Variants in ARHGAP15 observed in about 807,000 individuals in gnomAD.
ARHGAP15 encodes Rho GTPase activating protein 15, also known as rho GTPase-activating protein 15.
A neutral mutation model predicts 63.7 loss-of-function variants in ARHGAP15; 51 were observed. That is an observed-to-expected ratio of 0.80 (90% CI 0.64 to 1.01). ARHGAP15 has a LOEUF of 1.01. ARHGAP15 is among the 50% of genes least tolerant of loss of function. ARHGAP15 has a pLI of 0.00. For synonymous variants in ARHGAP15, 191 were observed against 193.8 expected (o/e 0.99, Z 0.12); for missense variants, 560 against 564.6 (o/e 0.99, Z 0.08).
chr2:143,538,076 C>A, intron 10 of ARHGAP15, among the ~76,000 whole-genome samples: 1 of 152,118 alleles, frequency 6.6e-6, no homozygotes, highest in East Asian at 1.9e-4. Flanking sequence ...TTGTAGTTCT[C>A]CTTGAAGAGG....
At chr2:143,466,473 T>A (rs937482636) in intron 8 of ARHGAP15, among the ~76,000 whole-genome samples, 1 of 152,062 alleles carries the variant, frequency 6.6e-6, no homozygotes, top group African/African-American at 2.4e-5. Context: ...CAAGCATTCA[T>A]ACATTGTGTT....
At chr2:143,390,008 T>TTA (rs1449705913) in intron 6 of ARHGAP15, among the ~76,000 whole-genome samples, 2 of 135,358 alleles carry the variant, frequency 1.5e-5, no homozygotes, top group East Asian at 4.2e-4. Context: ...AGTCCTTTAT[T>TTA]AAAAAAAAAA....
intron 2 of ARHGAP15, among the ~76,000 whole-genome samples, chr2:143,166,947 T>G (rs1690565187): frequency 6.6e-6 from 1 of 152,126 alleles, no homozygotes; most frequent in South Asian, 2.1e-4. Context: ...TTCTTTTTCC[T>G]TCTTCCTTAG....
At chr2:143,763,071 C>T (rs984302602) in intron 13 of ARHGAP15, among the ~76,000 whole-genome samples, 4 of 151,964 alleles carry the variant, frequency 2.6e-5, no homozygotes, top group Admixed American at 2.0e-4. Flanking sequence ...TTCTTTTCTA[C>T]ATATGTTTTA....
chr2:143,330,426 T>TA (rs1370866436), intron 6 of ARHGAP15, among the ~76,000 whole-genome samples: 1 of 152,052 alleles, frequency 6.6e-6, no homozygotes, highest in African/African-American at 2.4e-5. Flanking sequence ...ATAAGACAAA[T>TA]ACATAAAATA....
chr2:143,225,852 A>G (rs1448569230), intron 4 of ARHGAP15, among the ~76,000 whole-genome samples: 1 of 152,204 alleles, frequency 6.6e-6, no homozygotes, highest in Non-Finnish European at 1.5e-5. Context: ...TAAATAATTT[A>G]TGCTAATTAT....
chr2:143,738,165 C>T (rs1309817570), intron 13 of ARHGAP15, among the ~76,000 whole-genome samples: 3 of 152,110 alleles, frequency 2.0e-5, no homozygotes, highest in Non-Finnish European at 2.9e-5. Flanking sequence ...ATAATATTCA[C>T]TAGCAGATGA....
At chr2:143,608,811 T>A (rs1698146794) in intron 11 of ARHGAP15, 2 of 152,250 alleles carry the variant, frequency 1.3e-5, no homozygotes, top group African/African-American at 4.8e-5. Context: ...TGCAGTTAGC[T>A]GACATTTTTA....
intron 13 of ARHGAP15, among the ~76,000 whole-genome samples, chr2:143,750,960 T>TTCA (rs1246573296): frequency 6.6e-6 from 1 of 152,184 alleles, no homozygotes. Flanking sequence ...CACAAGGCTG[T>TTCA]TCAGATCTAG....
chr2:143,626,407 C>T (rs1445817489), intron 12 of ARHGAP15, among the ~76,000 whole-genome samples: 1 of 152,102 alleles, frequency 6.6e-6, no homozygotes, highest in Non-Finnish European at 1.5e-5. Context: ...CCGGTGGGTT[C>T]GTGGTCTTGC....
chr2:143,616,746 A>G (rs754526316), intron 11 of ARHGAP15, among the ~76,000 whole-genome samples: 11 of 152,340 alleles, frequency 7.2e-5, no homozygotes, highest in Middle Eastern at 3.4e-3. Context: ...ATTTTCAAAC[A>G]TAGGACTCCT....
intron 6 of ARHGAP15, among the ~76,000 whole-genome samples, chr2:143,423,872 A>G (rs17826726): frequency 0.1 from 15,302 of 152,210 alleles, 992 homozygotes; most frequent in South Asian, 0.17. Flanking sequence ...ATATAGAAAC[A>G]CAAAAATTTT....
chr2:143,486,657 C>T (rs1455840826), intron 8 of ARHGAP15, among the ~76,000 whole-genome samples: 1 of 152,068 alleles, frequency 6.6e-6, no homozygotes, highest in Admixed American at 6.5e-5. Flanking sequence ...TATTCATCCC[C>T]GAATTCACAG....
chr2:143,298,248 A>G (rs910807248), intron 6 of ARHGAP15, among the ~76,000 whole-genome samples: 1 of 151,880 alleles, frequency 6.6e-6, no homozygotes, highest in Non-Finnish European at 1.5e-5. Flanking sequence ...TTCAATCCAC[A>G]CTATGAATTC....
At chr2:143,216,267 A>T (rs1294139475) in intron 3 of ARHGAP15, 117 bp from the exon 4 acceptor site, 1 of 717,654 alleles carries the variant, frequency 1.4e-6, no homozygotes, top group Non-Finnish European at 2.4e-6. Flanking sequence ...CATTATTAAT[A>T]AAGTTCTATG....
chr2:143,483,458 C>G (rs1041889015), intron 8 of ARHGAP15, among the ~76,000 whole-genome samples: 4 of 152,224 alleles, frequency 2.6e-5, no homozygotes, highest in Admixed American at 6.5e-5. Flanking sequence ...TGAGGTGAGA[C>G]CAGAAATCGA....
intron 6 of ARHGAP15, among the ~76,000 whole-genome samples, chr2:143,414,911 A>G (rs1328730563): frequency 6.6e-6 from 1 of 152,238 alleles, no homozygotes; most frequent in African/African-American, 2.4e-5. Context: ...CCCGGGCAAC[A>G]GAGCAAGACT....
In ARHGAP15 at chr2:143,227,527, G is replaced by A. The variant is rs184437360; in HGVS notation, c.297-1054G>A. Among the ~76,000 whole-genome samples, 343 of 152,224 alleles carry A rather than the reference G, an allele frequency of 2.3e-3. 1 individual carries two copies. Among genetic ancestry groups the A allele is most frequent in the African/African-American group, 8.0e-3 (331 of 41,554 alleles). ...AGTGTTATGAGAGGAAGTCATGGAA[G>A]GCACATATGACAAAGCAATGTTTTG... is the stretch of plus-strand genomic sequence containing the variant. On this transcript the variant is annotated intron_variant, in intron 4 of 13. Transcript: ENST00000295095.
At position 143,379,685 on chromosome 2, in the gene ARHGAP15, A is replaced by T. The variant is rs554212187; in HGVS notation, c.475-55916A>T. On this transcript the variant is annotated intron_variant, in intron 6 of 13. Transcript: ENST00000295095. ...CAACTATAGAGAAAAGTGAACAACC[A>T]AAAGTTGTCATAAAAATTAAATTGA... 4.6e-5 allele frequency among the ~76,000 whole-genome samples: 7 copies of T among 152,164 alleles called. No individual in the cohort carries two copies. In the South Asian group the frequency reaches 1.2e-3, roughly 27 times the overall value.
Sources: gnomAD v4.1 joint callset for allele counts (sites outside exome capture counted in the v4.1 genomes callset) on GRCh38, gnomAD v4.1.1 for gene constraint, MANE v1.5 for transcripts, NCBI Gene and HGNC (gene_info 2026-07-23, HGNC 2026-07-21) for gene names.